The following ST6GALNAC3 variants were observed in gnomAD, a reference collection of about 807,000 sequenced individuals.
ST6GALNAC3 encodes ST6 N-acetylgalactosaminide alpha-2,6-sialyltransferase 3.
ST6GALNAC3 carries 25 observed loss-of-function variants against 32.7 expected under a neutral mutation model. That is an observed-to-expected ratio of 0.76 (90% confidence interval 0.56 to 1.07). The LOEUF (loss-of-function observed/expected upper bound fraction) is 1.07, where lower values mean the gene tolerates loss of function less well. Among genes scored for constraint, ST6GALNAC3 ranks in the 50% least tolerant of loss-of-function variants. The pLI is 0.00. For missense variants in ST6GALNAC3, 355 were observed against 382.4 expected, an observed-to-expected ratio of 0.93 and a Z score of 0.60; for synonymous variants, 129 against 133.1, an observed-to-expected ratio of 0.97 and a Z score of 0.21.
chr1:76,291,979 C>T (rs1246218651), intron 1 of ST6GALNAC3, among the ~76,000 whole-genome samples: 3 of 152,234 alleles, frequency 2.0e-5, no homozygotes, highest in African/African-American at 7.2e-5. Flanking sequence ...CTCTCTTTGG[C>T]TTGCAGCCTT....
chr1:76,364,548 A>C (rs1040329767), intron 2 of ST6GALNAC3, among the ~76,000 whole-genome samples: 8 of 152,042 alleles, frequency 5.3e-5, no homozygotes, highest in Admixed American at 2.6e-4. Context: ...GCGAGACTCC[A>C]CCTAAATAAA....
rs1037898882 is a variant in ST6GALNAC3, at chr1:76,598,469, G to C, written c.624-28983G>C. ...AGGACTGGAATATAGCTGAGAGATA[G>C]AAATGTTTTGCAAAATGTTGCTTAC... On this transcript the variant is annotated intron_variant, in intron 3 of 4. Transcript: ENST00000328299. Among the ~76,000 whole-genome samples the C allele has an allele frequency of 5.9e-5, 9 of 152,190 alleles. 1 individual carries two copies. The highest frequency in any genetic ancestry group is 2.2e-4 in the African/African-American group (9 of 41,436).
intron 3 of ST6GALNAC3, among the ~76,000 whole-genome samples, chr1:76,471,623 A>T (rs1007396475): frequency 6.6e-6 from 1 of 152,048 alleles, no homozygotes; most frequent in Non-Finnish European, 1.5e-5. Flanking sequence ...TTTTCTTTCA[A>T]ATCTCTCTCT....
rs1649255120 is a variant in ST6GALNAC3, at chr1:76,630,750, C to T, written c.*1944C>T. The T allele has an allele frequency of 2.0e-6, 2 of 985,566 alleles. No individual in the cohort carries two copies. The highest frequency in any genetic ancestry group is 2.4e-6 in the Non-Finnish European group (2 of 829,822). The allele number at this position is 985,566 out of a possible 1,614,324, so 61.1% of individuals were successfully genotyped here. A position where few individuals can be genotyped will look rare whatever the true frequency, so the allele number is the denominator to read the frequency against. On this transcript the variant is annotated 3_prime_UTR_variant, in exon 5 of 5. Transcript: ENST00000328299. ...AAACATTACTAAGCCCCAGTTCTAT[C>T]GTTGGAAGGAGTTGTTATTCTTTTG... is the stretch of plus-strand genomic sequence containing the variant.
intron 1 of ST6GALNAC3, among the ~76,000 whole-genome samples, chr1:76,111,091 T>C (rs997588812): frequency 6.6e-6 from 1 of 152,198 alleles, no homozygotes; most frequent in Non-Finnish European, 1.5e-5. Context: ...GGAACTGTAA[T>C]GTCTAATGTG....
At chr1:76,125,924 G>C (rs1349215718) in intron 1 of ST6GALNAC3, among the ~76,000 whole-genome samples, 1 of 152,188 alleles carries the variant, frequency 6.6e-6, no homozygotes, top group East Asian at 1.9e-4. Context: ...ATCCTATTTA[G>C]ATAGATGGAG....
intron 1 of ST6GALNAC3, among the ~76,000 whole-genome samples, chr1:76,119,803 ATAATAGAT>A (rs1648744791): frequency 2.0e-4 from 2 of 9,864 alleles, no homozygotes; most frequent in African/African-American, 4.7e-4. Flanking sequence ...ATAGATGATG[ATAATAGAT>A]ATATGTAATA....
At chr1:76,124,151 T>A (rs1275229053) in intron 1 of ST6GALNAC3, among the ~76,000 whole-genome samples, 1 of 152,100 alleles carries the variant, frequency 6.6e-6, no homozygotes, top group Non-Finnish European at 1.5e-5. Flanking sequence ...CAGAATTTAG[T>A]GGAACTCCCG....
intron 3 of ST6GALNAC3, among the ~76,000 whole-genome samples, chr1:76,595,754 G>A (rs372741040): frequency 1.3e-5 from 2 of 152,032 alleles, no homozygotes; most frequent in Admixed American, 6.6e-5. Flanking sequence ...ATATAAAAGT[G>A]AAGTTATAGA....
intron 3 of ST6GALNAC3, among the ~76,000 whole-genome samples, chr1:76,574,281 T>A (rs1646764840): frequency 6.9e-6 from 1 of 144,896 alleles, no homozygotes; most frequent in African/African-American, 2.6e-5. Context: ...AATGAGACAG[T>A]CTTATAAGCC....
chr1:76,236,951 G>C (rs1176676428), intron 1 of ST6GALNAC3, among the ~76,000 whole-genome samples: 1 of 152,116 alleles, frequency 6.6e-6, no homozygotes, highest in East Asian at 1.9e-4. Flanking sequence ...TCAGTGAACA[G>C]AGTCCCTGAA....
At chr1:76,469,292 C>G (rs1658863081) in intron 3 of ST6GALNAC3, among the ~76,000 whole-genome samples, 1 of 151,966 alleles carries the variant, frequency 6.6e-6, no homozygotes, top group Admixed American at 6.6e-5. Flanking sequence ...TTGTTACCTC[C>G]TTGTGGATTT....
chr1:76,580,309 T>C (rs1646874219), intron 3 of ST6GALNAC3, among the ~76,000 whole-genome samples: 1 of 152,140 alleles, frequency 6.6e-6, no homozygotes, highest in African/African-American at 2.4e-5. Flanking sequence ...CTCTTCACTC[T>C]GTAGGGGATA....
intron 1 of ST6GALNAC3, among the ~76,000 whole-genome samples, chr1:76,270,830 C>T (rs1160878912): frequency 2.0e-5 from 3 of 152,148 alleles, no homozygotes; most frequent in Admixed American, 2.0e-4. Flanking sequence ...AGAGATGTAT[C>T]CAAAAGCTGT....
At chr1:76,490,569 A>C (rs1231232489) in intron 3 of ST6GALNAC3, among the ~76,000 whole-genome samples, 1 of 151,188 alleles carries the variant, frequency 6.6e-6, no homozygotes, top group East Asian at 1.9e-4. Flanking sequence ...AATGCAATAA[A>C]ATTATTTTGC....
intron 3 of ST6GALNAC3, among the ~76,000 whole-genome samples, chr1:76,421,038 TA>T (rs1329430622): frequency 6.6e-6 from 1 of 152,118 alleles, no homozygotes; most frequent in African/African-American, 2.4e-5. Context: ...CACCTTGACA[TA>T]ATGCTTGACT....
At chr1:76,135,724 T>TTCAAAG (rs1271149689) in intron 1 of ST6GALNAC3, among the ~76,000 whole-genome samples, 1 of 152,194 alleles carries the variant, frequency 6.6e-6, no homozygotes, top group Non-Finnish European at 1.5e-5. Context: ...ATAGGATTTC[T>TTCAAAG]CCTTTCAGGC....
intron 3 of ST6GALNAC3, among the ~76,000 whole-genome samples, chr1:76,484,594 G>A (rs1419027936): frequency 6.6e-6 from 1 of 152,124 alleles, no homozygotes; most frequent in Non-Finnish European, 1.5e-5. Flanking sequence ...CTTTGCTGAT[G>A]TTTCTTATCA....
intron 2 of ST6GALNAC3, among the ~76,000 whole-genome samples, chr1:76,407,956 G>T (rs1653950948): frequency 6.6e-6 from 1 of 152,060 alleles, no homozygotes; most frequent in Non-Finnish European, 1.5e-5. Flanking sequence ...GAGATCAAAA[G>T]ACGTAGTAAT....
Sources: gnomAD v4.1 joint callset for allele counts (sites outside exome capture counted in the v4.1 genomes callset) on GRCh38, gnomAD v4.1.1 for gene constraint, MANE v1.5 for transcripts, NCBI Gene and HGNC (gene_info 2026-07-23, HGNC 2026-07-21) for gene names.